The following LARS2 variants were observed in gnomAD, a reference collection of about 807,000 sequenced individuals.
LARS2 encodes leucine--tRNA ligase, mitochondrial.
Under a neutral mutation model 116.6 loss-of-function variants are expected in LARS2, and 81 were observed. The observed-to-expected ratio is 0.69, with a 90% CI of 0.58 to 0.84. The LOEUF (loss-of-function observed/expected upper bound fraction) is 0.84. Among genes scored for constraint, LARS2 ranks in the 40% least tolerant of loss-of-function variants. The pLI is 0.00. For missense variants in LARS2, 968 were observed against 1,114.5 expected, an observed-to-expected ratio of 0.87 and a Z score of 1.87; for synonymous variants, 396 against 407.2, an observed-to-expected ratio of 0.97 and a Z score of 0.33.
chr3:45,539,938 T>C (rs932256357), intron 20 of LARS2, among the ~76,000 whole-genome samples: 1 of 152,194 alleles, frequency 6.6e-6, no homozygotes, highest in Non-Finnish European at 1.5e-5. Flanking sequence ...CAAATAGTTA[T>C]TAAATACATT....
At chr3:45,444,663 CA>C (rs1247862635) in intron 6 of LARS2, among the ~76,000 whole-genome samples, 28,418 of 81,486 alleles carry the variant, frequency 0.35, 1,361 homozygotes, top group Middle Eastern at 0.57. Flanking sequence ...GACTCCGTCT[CA>C]AAAAAAAAAA....
intron 3 of LARS2, among the ~76,000 whole-genome samples, chr3:45,397,117 T>C (rs964114221): frequency 6.6e-6 from 1 of 152,258 alleles, no homozygotes; most frequent in African/African-American, 2.4e-5. Flanking sequence ...GACCCACTTA[T>C]AAAAGCCATC....
In LARS2 at chr3:45,525,968, A is replaced by G. The variant is rs77078064; in HGVS notation, c.2404+1860A>G. ...TTGCAATTTTAAGTGACAATGAGGTAGTGCAACTGATTTAAAGTAGGAGGG... is the reference window on the plus strand; with the variant it reads ...TTGCAATTTTAAGTGACAATGAGGTGGTGCAACTGATTTAAAGTAGGAGGG... On this transcript the variant is annotated intron_variant, in intron 20 of 21. Transcript: ENST00000645846. Among the ~76,000 whole-genome samples the G allele has an allele frequency of 2.8e-3, 431 of 152,326 alleles. 7 individuals are homozygous for G. The highest frequency in any genetic ancestry group is 9.8e-3 in the African/African-American group (408 of 41,588).
At chr3:45,391,213 C>T (rs945523762) in intron 1 of LARS2, among the ~76,000 whole-genome samples, 1 of 151,946 alleles carries the variant, frequency 6.6e-6, no homozygotes, top group African/African-American at 2.4e-5. Context: ...GGTCCAGATG[C>T]GGTGGTTCAC....
chr3:45,432,977 C>T (rs189098330), intron 6 of LARS2, among the ~76,000 whole-genome samples: 98 of 151,982 alleles, frequency 6.4e-4, no homozygotes, highest in East Asian at 2.5e-3. Context: ...TACTATGAAG[C>T]GTATATGAAA....
In LARS2 at chr3:45,438,683, A is replaced by T. The variant is rs1324626877; in HGVS notation, c.517-8208A>T. On this transcript the variant is annotated intron_variant, in intron 6 of 21. Transcript: ENST00000645846. The stretch of plus-strand genomic sequence containing the variant: ...AAATACCAAAAAAAAAAAAAAAAAA[A>T]TTTTAGCCAGGCATGGTGGTGGGCT... Among the ~76,000 whole-genome samples the T allele has an allele frequency of 1.1e-4, 12 of 109,502 alleles. No individual in the cohort carries two copies. In the South Asian group the frequency reaches 1.2e-3, roughly 11 times the overall value. 71.8% of individuals were successfully genotyped at this position (109,502 alleles called of 152,430 possible). A position where few individuals can be genotyped will look rare whatever the true frequency, so the allele number is the denominator to read the frequency against.
At chr3:45,485,881 A>G (rs1286828337) in intron 11 of LARS2, 85 bp downstream of exon 11, 2 of 719,144 alleles carry the variant, frequency 2.8e-6, no homozygotes, top group Non-Finnish European at 4.7e-6. Context: ...CATCTGGAAG[A>G]GCTGACTATA....
intron 1 of LARS2, among the ~76,000 whole-genome samples, chr3:45,390,891 C>T (rs854188): frequency 0.14 from 20,879 of 151,854 alleles, 2,745 homozygotes; most frequent in African/African-American, 0.35. Flanking sequence ...CCACCCGCCT[C>T]GGCCTCCCAA....
At chr3:45,389,744 T>A (rs981776678) in intron 1 of LARS2, among the ~76,000 whole-genome samples, 5 of 152,164 alleles carry the variant, frequency 3.3e-5, no homozygotes, top group Admixed American at 3.3e-4. Flanking sequence ...GCCAAGTTGA[T>A]CATAAATATA....
intron 6 of LARS2, among the ~76,000 whole-genome samples, chr3:45,420,804 C>G (rs1222373018): frequency 6.6e-6 from 1 of 152,150 alleles, no homozygotes; most frequent in Non-Finnish European, 1.5e-5. Context: ...AGAGTGATAA[C>G]TAGCCTAGTC....
chr3:45,537,587 C>G (rs999332895), intron 20 of LARS2, among the ~76,000 whole-genome samples: 1 of 152,160 alleles, frequency 6.6e-6, no homozygotes, highest in Non-Finnish European at 1.5e-5. Context: ...GAAATTATTT[C>G]TCTGTGTAAA....
At chr3:45,398,595 G>T (rs947754944) in intron 3 of LARS2, among the ~76,000 whole-genome samples, 2 of 152,194 alleles carry the variant, frequency 1.3e-5, no homozygotes, top group African/African-American at 2.4e-5. Context: ...CCAGTTACCT[G>T]TTGCTCTTCC....
chr3:45,420,054 A>T (rs1698490738), intron 6 of LARS2, among the ~76,000 whole-genome samples: 2 of 152,232 alleles, frequency 1.3e-5, no homozygotes, highest in African/African-American at 4.8e-5. Context: ...AAAGTGATTA[A>T]ATATCAATCC....
chr3:45,542,154 C>G (rs1405879556), intron 21 of LARS2, among the ~76,000 whole-genome samples, 198 bp downstream of exon 21: 3 of 152,192 alleles, frequency 2.0e-5, no homozygotes, highest in Admixed American at 6.5e-5. Context: ...GGTCACCACA[C>G]ACCAGAAGCA....
At chr3:45,433,889 C>A (rs1698761183) in intron 6 of LARS2, among the ~76,000 whole-genome samples, 1 of 152,072 alleles carries the variant, frequency 6.6e-6, no homozygotes, top group Non-Finnish European at 1.5e-5. Flanking sequence ...GTTAACAGTT[C>A]TTTTCTTTTA....
At chr3:45,468,950 G>A (rs966971159) in intron 8 of LARS2, among the ~76,000 whole-genome samples, 9 of 152,166 alleles carry the variant, frequency 5.9e-5, no homozygotes, top group African/African-American at 2.2e-4. Flanking sequence ...ATTCTATAAA[G>A]CACTTGGTTT....
intron 6 of LARS2, among the ~76,000 whole-genome samples, chr3:45,428,330 A>G (rs13059694): frequency 0.14 from 17,760 of 125,036 alleles, 1,276 homozygotes; most frequent in Middle Eastern, 0.31. Context: ...TGCAAGCTCC[A>G]CCTCCTAGGC....
At chr3:45,467,860 G>A (rs965449395) in intron 8 of LARS2, among the ~76,000 whole-genome samples, 1 of 152,156 alleles carries the variant, frequency 6.6e-6, no homozygotes, top group African/African-American at 2.4e-5. Context: ...GCCAAGGTGG[G>A]TAGATCGCTT....
At chr3:45,406,749 G>C (rs1698239290) in intron 4 of LARS2, among the ~76,000 whole-genome samples, 1 of 152,130 alleles carries the variant, frequency 6.6e-6, no homozygotes. Context: ...AGAGAGTCCT[G>C]AGGTTTGGAT....
Sources: allele counts gnomAD v4.1 joint callset (sites outside exome capture counted in the v4.1 genomes callset), GRCh38; gene constraint gnomAD v4.1.1; transcripts MANE v1.5; gene names NCBI Gene and HGNC (gene_info 2026-07-23, HGNC 2026-07-21).